HNRNPA3: variants seen among roughly 807,000 people sequenced by gnomAD.
The protein encoded by HNRNPA3 is epididymis secretory sperm binding protein.
In HNRNPA3, 3 loss-of-function variants were observed where a neutral mutation model predicts 45.8. The ratio of observed to expected loss-of-function variants is 0.07; its 90% CI spans 0.03 to 0.17. The LOEUF (loss-of-function observed/expected upper bound fraction) is 0.17, where lower values mean the gene tolerates loss of function less well. HNRNPA3 is among the 10% of genes least tolerant of loss of function. The probability of loss-of-function intolerance (pLI) is 1.00; values close to 1 mark genes in which losing one functional copy is unlikely to be tolerated. For missense variants in HNRNPA3, 183 were observed against 480.3 expected (o/e 0.38, Z 5.79); for synonymous variants, 170 against 155.6 (o/e 1.09, Z -0.69).
intron 1 of HNRNPA3, among the ~76,000 whole-genome samples, chr2:177,215,095 A>C (rs1466380038): frequency 6.6e-6 from 1 of 152,040 alleles, no homozygotes; most frequent in Non-Finnish European, 1.5e-5. Flanking sequence ...TTTCTGGTCA[A>C]AGTTTTTGTT....
At chr2:177,222,146 GTTGAC>G (rs1419410228), downstream of HNRNPA3, 1 of 152,620 alleles carries the variant, frequency 6.6e-6, no homozygotes, top group Non-Finnish European at 1.5e-5. Context: ...AAGGTTTGTA[GTTGAC>G]AGTAAAACCT....
At chr2:177,216,678 C>T (rs2105430843) in exon 6 of HNRNPA3, 6 of 1,614,004 alleles carry the variant, frequency 3.7e-6, no homozygotes, top group Non-Finnish European at 5.1e-6. Flanking sequence ...TATTAAAGGT[C>T]GTGGAGGTGG....
In HNRNPA3 at chr2:177,212,949, G is replaced by A. The variant is rs1428801455; in HGVS notation, c.72+78G>A. 3.0e-6 allele frequency: 3 copies of A among 1,001,740 alleles called. No individual in the cohort carries two copies. The East Asian group carries it at 9.6e-5, about 32-fold the overall frequency. 62.1% of individuals were successfully genotyped at this position (1,001,740 alleles called of 1,614,324 possible). On this transcript the variant is annotated intron_variant, in intron 1 of 10. Transcript: ENST00000392524. ...GGTTCGGTGGGAGCGGGGAGGCCGG[G>A]TGGACCGGGTCGGCCGTCCCGCGCT...
intron 8 of HNRNPA3, among the ~76,000 whole-genome samples, chr2:177,218,426 T>C (rs1689052497): frequency 6.6e-6 from 1 of 152,190 alleles, no homozygotes; most frequent in Non-Finnish European, 1.5e-5. Flanking sequence ...GTACATGTTT[T>C]ACGTGTAAAA....
At chr2:177,223,170 G>A (rs1689261249), downstream of HNRNPA3, 1 of 152,156 alleles carries the variant, frequency 6.6e-6, no homozygotes, top group African/African-American at 2.4e-5. Context: ...CTCAGAAAAT[G>A]ACTGGTTGGC....
downstream of HNRNPA3, chr2:177,223,076 A>T (rs1689257130): frequency 6.6e-6 from 1 of 152,554 alleles, no homozygotes; most frequent in Non-Finnish European, 1.5e-5. Context: ...AAAAAAAAAA[A>T]TCCTTTGGAG....
chr2:177,214,573 A>G (rs936284767), intron 1 of HNRNPA3, among the ~76,000 whole-genome samples: 1 of 152,176 alleles, frequency 6.6e-6, no homozygotes, highest in Non-Finnish European at 1.5e-5. Context: ...AGGCGGGCGG[A>G]TCACGAGGTC....
In HNRNPA3 at chr2:177,215,685, G is replaced by A. The variant is rs758749490; in HGVS notation, c.195+24G>A. The A allele has an allele frequency of 6.8e-6, 11 of 1,613,392 alleles. No homozygotes were observed. In the South Asian group the frequency reaches 1.1e-4, roughly 16 times the overall value. On this transcript the variant is annotated intron_variant, in intron 2 of 10. Transcript: ENST00000392524. ...TGGTAAGTTACTAAGAGAACAGAAG[G>A]GTTCTAAGGGGTGTAGAGAACCGGT...
chr2:177,217,642 A>C, intron 7 of HNRNPA3, 63 bp from the exon 8 acceptor site: 1 of 1,595,802 alleles, frequency 6.3e-7, no homozygotes, highest in South Asian at 1.1e-5. Context: ...CACACACCAG[A>C]ATTGAATAAC....
chr2:177,217,194 T>G (rs1688978053), intron 7 of HNRNPA3, among the ~76,000 whole-genome samples: 2 of 149,640 alleles, frequency 1.3e-5, no homozygotes, highest in South Asian at 4.3e-4. Flanking sequence ...AGTGAAATTT[T>G]GTAAAATGAA....
downstream of HNRNPA3, chr2:177,222,577 G>A (rs1558973372): frequency 6.6e-6 from 1 of 152,326 alleles, no homozygotes; most frequent in Non-Finnish European, 1.5e-5. Flanking sequence ...GGAGGCTGAG[G>A]CAGATGGATC....
exon 10 of HNRNPA3, chr2:177,219,287 C>T (rs1339376968): frequency 1.2e-6 from 2 of 1,613,302 alleles, no homozygotes; most frequent in Admixed American, 1.7e-5. Context: ...GATATGGTAG[C>T]AGAAGGTTCT....
chr2:177,220,845 A>C (rs1333997138), downstream of HNRNPA3: 1 of 152,202 alleles, frequency 6.6e-6, no homozygotes, highest in Non-Finnish European at 1.5e-5. Context: ...AATATAAACC[A>C]ATGTCTACTG....
At chr2:177,213,408 A>G (rs1688775055) in intron 1 of HNRNPA3, among the ~76,000 whole-genome samples, 1 of 152,238 alleles carries the variant, frequency 6.6e-6, no homozygotes, top group African/African-American at 2.4e-5. Flanking sequence ...ATGGCCTCGA[A>G]GCATGGGGAG....
downstream of HNRNPA3, chr2:177,220,846 A>G (rs1208010462): frequency 7.2e-5 from 11 of 152,342 alleles, no homozygotes; most frequent in East Asian, 3.9e-4. Flanking sequence ...ATATAAACCA[A>G]TGTCTACTGT....
In HNRNPA3 at chr2:177,216,593, G is replaced by A. The variant is rs1375226052; in HGVS notation, c.643+1G>A. ...ATGCAGTCTGCTGGATCACAGAGAGGTGAGTAGGACCATACACATGTATAC... is the reference window on the plus strand; with the variant it reads ...ATGCAGTCTGCTGGATCACAGAGAGATGAGTAGGACCATACACATGTATAC... On this transcript the variant is annotated splice_donor_variant, in intron 5 of 10. Coordinates refer to ENST00000392524, the Ensembl canonical transcript of HNRNPA3. LOFTEE classifies it high-confidence loss of function. 6.2e-7 allele frequency: 1 copy of A among 1,613,722 alleles called. No homozygotes were observed. The highest frequency in any genetic ancestry group is 8.5e-7 in the Non-Finnish European group (1 of 1,179,594).
At chr2:177,212,993 G>T (rs562087785) in intron 1 of HNRNPA3, 122 bp downstream of exon 1, 2 of 595,908 alleles carry the variant, frequency 3.4e-6, no homozygotes, top group Non-Finnish European at 5.4e-6. Flanking sequence ...GAGACAGGCT[G>T]TGGGAGGGGG....
Position 177,219,399 on chromosome 2 carries a change from A to G in HNRNPA3, c.*16-9A>G, listed in dbSNP as rs1210311592. On this transcript the variant is annotated splice_polypyrimidine_tract_variant and intron_variant, in intron 10 of 10. Transcript: ENST00000392524. ...TGTAATAATTTTTTTATCCTGTATTATTCAACAGGCTACAGTTCTTAGCAG... is the reference window on the plus strand; with the variant it reads ...TGTAATAATTTTTTTATCCTGTATTGTTCAACAGGCTACAGTTCTTAGCAG... The G allele has an allele frequency of 9.8e-7, 1 of 1,020,536 alleles. No individual in the cohort carries two copies. The highest frequency in any genetic ancestry group is 1.4e-6 in the Non-Finnish European group (1 of 690,322). 63.2% of individuals were successfully genotyped at this position (1,020,536 alleles called of 1,614,324 possible). A position where few individuals can be genotyped will look rare whatever the true frequency, so the allele number is the denominator to read the frequency against.
chr2:177,218,250 G>A (rs1689040556), intron 8 of HNRNPA3, among the ~76,000 whole-genome samples: 2 of 151,922 alleles, frequency 1.3e-5, no homozygotes. Flanking sequence ...TTTTAGTAGA[G>A]ATGGGGTTTC....
Sources: gnomAD v4.1 joint callset for allele counts (sites outside exome capture counted in the v4.1 genomes callset) on GRCh38, gnomAD v4.1.1 for gene constraint, MANE v1.5 for transcripts, NCBI Gene and HGNC (gene_info 2026-07-23, HGNC 2026-07-21) for gene names.